The following CCL17 variants were observed in gnomAD, a reference collection of about 807,000 sequenced individuals.
CCL17 encodes C-C motif chemokine 17.
In CCL17, 8 loss-of-function variants were observed where a neutral mutation model predicts 7.4. The ratio of observed to expected loss-of-function variants is 1.09; its 90% CI spans 0.64 to 1.96. The LOEUF (loss-of-function observed/expected upper bound fraction) is 1.96. Among genes scored for constraint, CCL17 ranks in the 30% most tolerant of loss-of-function variants. CCL17 has a pLI of 0.00. For missense variants in CCL17, 102 were observed against 113.0 expected, an observed-to-expected ratio of 0.90 and a Z score of 0.44; for synonymous variants, 40 against 46.1, an observed-to-expected ratio of 0.87 and a Z score of 0.54.
chr16:57,403,468 ATTATATATATT>A (rs1308349221), upstream of CCL17, among the ~76,000 whole-genome samples: 9 of 1,994 alleles, frequency 4.5e-3, no homozygotes, highest in South Asian at 0.042. Flanking sequence ...TATATATTAT[ATTATATATATT>A]ATATAATAAT....
At chr16:57,405,877 C>CAA (rs35155439) in intron 1 of CCL17, among the ~76,000 whole-genome samples, 5,100 of 140,276 alleles carry the variant, frequency 0.036, 105 homozygotes, top group South Asian at 0.096. Flanking sequence ...ACTAAAAATA[C>CAA]AAAAAAAAAA....
chr16:57,405,700 C>G (rs1388864842), intron 1 of CCL17, among the ~76,000 whole-genome samples: 1 of 151,918 alleles, frequency 6.6e-6, no homozygotes, highest in Non-Finnish European at 1.5e-5. Flanking sequence ...GTGGGTGTGT[C>G]TGATTAGTTA....
chr16:57,400,917 G>A (rs554406751), upstream of CCL17, among the ~76,000 whole-genome samples: 17 of 151,380 alleles, frequency 1.1e-4, no homozygotes, highest in East Asian at 5.8e-4. Context: ...GCAGTGAGTC[G>A]AGACCATGCC....
At chr16:57,401,551 A>ATGTGCATG (rs1248191012), upstream of CCL17, among the ~76,000 whole-genome samples, 7 of 152,026 alleles carry the variant, frequency 4.6e-5, no homozygotes, top group African/African-American at 1.7e-4. Flanking sequence ...AAAAAAAGAA[A>ATGTGCATG]TGTGCATGAA....
chr16:57,403,562 T>TAA (rs1902644473), upstream of CCL17, among the ~76,000 whole-genome samples: 1 of 49,118 alleles, frequency 2.0e-5, no homozygotes, highest in South Asian at 6.0e-4. Flanking sequence ...TATATATATA[T>TAA]AATATATATT....
intron 1 of CCL17, among the ~76,000 whole-genome samples, chr16:57,408,424 T>TA (rs1343734888): frequency 3.5e-4 from 35 of 99,952 alleles, no homozygotes; most frequent in Middle Eastern, 5.0e-3. Context: ...CATATATATA[T>TA]TTTTTGAGAC....
chr16:57,399,514 G>A, the CCL17 span, among the ~76,000 whole-genome samples: 1 of 152,084 alleles, frequency 6.6e-6, no homozygotes, highest in African/African-American at 2.4e-5. Flanking sequence ...GCAAAGGTGG[G>A]ATCTTGGCTC....
chr16:57,414,620 C>G (rs1429145175), intron 2 of CCL17, among the ~76,000 whole-genome samples: 3 of 151,990 alleles, frequency 2.0e-5, no homozygotes, highest in Non-Finnish European at 4.4e-5. Flanking sequence ...TGGTCTCGAA[C>G]TCCTGACCTC....
upstream of CCL17, among the ~76,000 whole-genome samples, chr16:57,401,789 G>A (rs1902595342): frequency 6.6e-6 from 1 of 152,142 alleles, no homozygotes; most frequent in African/African-American, 2.4e-5. Context: ...CCTTTTGGTT[G>A]ATTTTACTTT....
chr16:57,408,096 TATCCATTCATCTACCCATCCATCTATCC>T (rs1223152555), intron 1 of CCL17, among the ~76,000 whole-genome samples: 3 of 149,370 alleles, frequency 2.0e-5, no homozygotes, highest in South Asian at 2.2e-4. Flanking sequence ...CCCATCCATT[TATCCATTCATCTACCCATCCATCTATCC>T]ATCCATTCAT....
chr16:57,396,838 C>A, the CCL17 span, among the ~76,000 whole-genome samples: 1 of 152,090 alleles, frequency 6.6e-6, no homozygotes, highest in South Asian at 2.1e-4. Flanking sequence ...GCATTGGATG[C>A]ATAAAGGGGC....
At chr16:57,409,751 GT>G (rs777829572) in intron 1 of CCL17, among the ~76,000 whole-genome samples, 17 of 152,276 alleles carry the variant, frequency 1.1e-4, no homozygotes, top group Non-Finnish European at 1.8e-4. Context: ...AGGACACCCT[GT>G]CAGGAACGAC....
rs1459799354 is a variant in CCL17, at chr16:57,415,376, C to T, written c.188+178C>T. On this transcript the variant is annotated intron_variant, in intron 3 of 3. Transcript: ENST00000219244. The surrounding 1 kb of genome is among the most constrained non-coding windows in gnomAD (Gnocchi z 4.5). ...AGGGCCGCAGGCCATGAGGTCCAACCTATTCCTTGATTTGTGGTGAAATTG... is the reference window on the plus strand; with the variant it reads ...AGGGCCGCAGGCCATGAGGTCCAACTTATTCCTTGATTTGTGGTGAAATTG... Among the ~76,000 whole-genome samples the T allele has an allele frequency of 2.0e-5, 3 of 152,248 alleles. No homozygotes were observed. Among genetic ancestry groups the T allele is most frequent in the Admixed American group, 6.5e-5 (1 of 15,288 alleles).
the CCL17 span, among the ~76,000 whole-genome samples, chr16:57,399,490 G>A: frequency 4.1e-4 from 62 of 150,806 alleles, no homozygotes; most frequent in Middle Eastern, 3.4e-3. Flanking sequence ...TTGCTCTGTC[G>A]CCCAGGCTGG....
upstream of CCL17, among the ~76,000 whole-genome samples, chr16:57,402,735 G>C (rs1219413005): frequency 6.6e-6 from 1 of 152,126 alleles, no homozygotes; most frequent in Non-Finnish European, 1.5e-5. Flanking sequence ...GAGACATTGA[G>C]ACAAGTCCAT....
rs1902847171 is a variant in CCL17 at position 57,415,051 on chromosome 16, G to A, written c.71-30G>A. 2 of 1,478,474 alleles carry A rather than the reference G, an allele frequency of 1.4e-6. No homozygotes were observed. Among genetic ancestry groups the A allele is most frequent in the Non-Finnish European group, 1.9e-6 (2 of 1,057,038 alleles). The allele number at this position is 1,478,474 out of a possible 1,614,324, so 91.6% of individuals were successfully genotyped here. A position where few individuals can be genotyped will look rare whatever the true frequency, so the allele number is the denominator to read the frequency against. ...CGCAACACACACGCAGACACTCACAGACACCCCTGCCCCGCTCCTCTCCCT... is the reference window on the plus strand; with the variant it reads ...CGCAACACACACGCAGACACTCACAAACACCCCTGCCCCGCTCCTCTCCCT... On this transcript the variant is annotated intron_variant, in intron 2 of 3. Coordinates refer to ENST00000219244, the MANE Select transcript of CCL17 (RefSeq NM_002987.3). The surrounding 1 kb of genome is among the most constrained non-coding windows in gnomAD (Gnocchi z 4.5).
chr16:57,399,353 C>T, the CCL17 span, among the ~76,000 whole-genome samples: 1 of 152,214 alleles, frequency 6.6e-6, no homozygotes, highest in Non-Finnish European at 1.5e-5. Context: ...ACCAGGGCAA[C>T]AGCAGTGGTG....
chr16:57,415,156 C>A lies in CCL17; in HGVS notation c.146C>A (p.Thr49Lys), dbSNP rs756502125. ...GCCATTCCCCTTAGAAAGCTGAAGA[C>A]GTGGTACCAGACATCTGAGGACTGC... Reference protein sequence around the residue: ...KGAIPLRKLKTWYQTSEDCSR... With the variant: ...KGAIPLRKLKKWYQTSEDCSR... The change falls in exon 3 of 4, where the codon ACG (threonine) becomes AAG (lysine). Residue 49 changes from threonine to lysine, a missense_variant. Thr to Lys is a moderately conservative substitution (Grantham distance 78). Transcript: ENST00000219244. The surrounding 1 kb of genome is among the most constrained non-coding windows in gnomAD (Gnocchi z 4.5). 1.2e-6 allele frequency: 2 copies of A among 1,613,802 alleles called. No individual in the cohort carries two copies. Among genetic ancestry groups the A allele is most frequent in the Admixed American group, 3.3e-5 (2 of 60,022 alleles).
chr16:57,402,860 G>A (rs2146529896), upstream of CCL17, among the ~76,000 whole-genome samples: 1 of 151,730 alleles, frequency 6.6e-6, no homozygotes, highest in South Asian at 2.1e-4. Flanking sequence ...CCTACCATGT[G>A]CCGAGATATA....
Sources: allele counts gnomAD v4.1 joint callset (sites outside exome capture counted in the v4.1 genomes callset), GRCh38; gene constraint gnomAD v4.1.1; non-coding constraint Gnocchi (gnomAD v3.1); transcripts MANE v1.5; gene names NCBI Gene and HGNC (gene_info 2026-07-23, HGNC 2026-07-21).